Variants in USH2A observed in about 807,000 individuals in gnomAD.
The protein encoded by USH2A is Usher syndrome 2A (autosomal recessive, mild).
In USH2A, 443 loss-of-function variants were observed where a neutral mutation model predicts 538.9. That is an observed-to-expected ratio of 0.82 (90% CI 0.76 to 0.89). The LOEUF (loss-of-function observed/expected upper bound fraction) is 0.89. USH2A is among the 40% of genes least tolerant of loss of function. The probability of loss-of-function intolerance (pLI) is 0.00; values close to 1 mark genes in which losing one functional copy is unlikely to be tolerated. For missense variants in USH2A, 6,633 were observed against 6,324.8 expected, an observed-to-expected ratio of 1.05 and a Z score of -1.65; for synonymous variants, 2,413 against 2,273.5, an observed-to-expected ratio of 1.06 and a Z score of -1.75.
chr1:215,777,340 T>C (rs10864197), intron 55 of USH2A, among the ~76,000 whole-genome samples: 40,831 of 152,062 alleles, frequency 0.27, 6,214 homozygotes, highest in African/African-American at 0.41. Context: ...TCCTGTTGGT[T>C]TGAACATTAC....
At chr1:215,897,770 AG>A (rs1280876139) in intron 40 of USH2A, among the ~76,000 whole-genome samples, 2 of 152,016 alleles carry the variant, frequency 1.3e-5, no homozygotes, top group Non-Finnish European at 2.9e-5. Context: ...AAAGAAAGAA[AG>A]TGAAAGAGAG....
At chr1:216,349,547 C>G (rs530327303) in intron 4 of USH2A, among the ~76,000 whole-genome samples, 1 of 152,064 alleles carries the variant, frequency 6.6e-6, no homozygotes, top group Non-Finnish European at 1.5e-5. Flanking sequence ...AAAACCAATA[C>G]GGCAATAAGA....
intron 32 of USH2A, among the ~76,000 whole-genome samples, chr1:216,014,222 T>C (rs1376134785): frequency 2.6e-5 from 4 of 151,924 alleles, no homozygotes; most frequent in African/African-American, 9.7e-5. Flanking sequence ...GGAGGAGGCA[T>C]CAGGTTGGGC....
In USH2A at chr1:216,171,478, C is replaced by T. The variant is rs79327502; in HGVS notation, c.4627+3774G>A. ...GCCCTAGATATAACATTTGAGCAAA[C>T]ATATTTTGCATGTGTAACAGCAAAT... On this transcript the variant is annotated intron_variant, in intron 21 of 71. Coordinates refer to ENST00000307340, the MANE Select transcript of USH2A (RefSeq NM_206933.4). Among the ~76,000 whole-genome samples the T allele has an allele frequency of 1.8e-3, 269 of 152,090 alleles. 1 individual carries two copies. The highest frequency in any genetic ancestry group is 3.4e-3 in the Middle Eastern group (1 of 294).
At chr1:216,191,439 T>G (rs1376687335) in intron 19 of USH2A, among the ~76,000 whole-genome samples, 1 of 151,992 alleles carries the variant, frequency 6.6e-6, no homozygotes, top group Non-Finnish European at 1.5e-5. Flanking sequence ...GATTGGAATG[T>G]AGAATACAGT....
intron 32 of USH2A, among the ~76,000 whole-genome samples, chr1:216,014,351 C>CT (rs1202103018): frequency 1.1e-4 from 16 of 152,042 alleles, no homozygotes; most frequent in Admixed American, 5.2e-4. Context: ...CTGATAAATT[C>CT]TTTGAGAGTG....
chr1:216,204,206 G>A (rs1035719861), intron 16 of USH2A: 1 of 152,526 alleles, frequency 6.6e-6, no homozygotes, highest in African/African-American at 2.4e-5. Flanking sequence ...TAACAGAAGA[G>A]TGCTATTTCC....
intron 32 of USH2A, among the ~76,000 whole-genome samples, chr1:216,018,837 AT>A (rs1187972158): frequency 3.3e-5 from 5 of 151,704 alleles, no homozygotes; most frequent in Admixed American, 6.6e-5. Flanking sequence ...ATATTTACAT[AT>A]TTTTTTCTTT....
chr1:216,402,328 G>A (rs927403050), intron 3 of USH2A, among the ~76,000 whole-genome samples: 4 of 152,030 alleles, frequency 2.6e-5, no homozygotes, highest in African/African-American at 9.7e-5. Context: ...CAAAAAGAAA[G>A]TTGTAAAAGA....
intron 50 of USH2A, among the ~76,000 whole-genome samples, chr1:215,790,801 TG>T (rs1661960303): frequency 6.6e-6 from 1 of 152,198 alleles, no homozygotes; most frequent in Non-Finnish European, 1.5e-5. Flanking sequence ...TACAAATATT[TG>T]TTTCTTGTGA....
At chr1:215,709,645 TAAAAAA>T (rs5780846) in intron 61 of USH2A, among the ~76,000 whole-genome samples, 21 of 127,014 alleles carry the variant, frequency 1.7e-4, no homozygotes, top group South Asian at 1.6e-3. Context: ...AGATAATTTG[TAAAAAA>T]AAAAAAAAAA....
chr1:216,289,414 C>T lies in USH2A; in HGVS notation c.1841-4G>A, dbSNP rs1199160777. 2 of 1,613,816 alleles carry T rather than the reference C, an allele frequency of 1.2e-6. No homozygotes were observed. The highest frequency in any genetic ancestry group is 1.3e-5 in the African/African-American group (1 of 75,044). ...TTGCACAGCTCACAGTTCCTTCCTG[C>T]ATCAGGGAAAGGTTATGCATTATGA... On this transcript the variant is annotated splice_region_variant and splice_polypyrimidine_tract_variant and intron_variant, in intron 10 of 71. Coordinates refer to ENST00000307340, the MANE Select transcript of USH2A (RefSeq NM_206933.4).
Position 216,246,569 on chromosome 1 carries a change from T to C in USH2A, c.2809+16A>G. On this transcript the variant is annotated intron_variant, in intron 13 of 71. Coordinates refer to ENST00000307340, the MANE Select transcript of USH2A (RefSeq NM_206933.4). ...ATGTCATTGTGCACTGAAAATGTAA[T>C]ACATTTCTTTCTTACCTGGTTGACA... is the stretch of plus-strand genomic sequence containing the variant. The C allele has an allele frequency of 6.2e-7, 1 of 1,613,996 alleles. No individual in the cohort carries two copies. Among genetic ancestry groups the C allele is most frequent in the Non-Finnish European group, 8.5e-7 (1 of 1,179,886 alleles).
intron 27 of USH2A, among the ~76,000 whole-genome samples, chr1:216,076,244 G>A (rs1263973265): frequency 2.0e-5 from 3 of 151,996 alleles, no homozygotes; most frequent in Non-Finnish European, 1.5e-5. Flanking sequence ...GCTACCATAC[G>A]TCAATATTTT....
intron 61 of USH2A, among the ~76,000 whole-genome samples, chr1:215,718,659 T>G (rs886221607): frequency 6.6e-6 from 1 of 152,152 alleles, no homozygotes; most frequent in Non-Finnish European, 1.5e-5. Flanking sequence ...CATAAAAAAA[T>G]TGGTCATCTG....
rs749941664 is a variant in USH2A at position 215,779,916 on chromosome 1, C to T, written c.10866G>A (p.Glu3622=). The T allele has an allele frequency of 1.9e-6, 3 of 1,614,126 alleles. No individual in the cohort carries two copies. Among genetic ancestry groups the T allele is most frequent in the Non-Finnish European group, 1.7e-6 (2 of 1,180,024 alleles). Residue 3622 remains glutamate (E), a synonymous_variant, in exon 55 of 72, where the codon GAG becomes GAA. Transcript: ENST00000307340. ...CTTTCCCAACCTGCCTGATCTGGTACTCTTTAATGACGCCGTTTGATTTCT... is the reference window on the plus strand; with the variant it reads ...CTTTCCCAACCTGCCTGATCTGGTATTCTTTAATGACGCCGTTTGATTTCT... ...VPEKSNGVIK[E]YQIRQVGKGL...
intron 61 of USH2A, among the ~76,000 whole-genome samples, chr1:215,685,728 G>A (rs1658405029): frequency 6.6e-6 from 1 of 151,914 alleles, no homozygotes; most frequent in African/African-American, 2.4e-5. Flanking sequence ...TATCAAACTT[G>A]AATACTTATC....
intron 61 of USH2A, among the ~76,000 whole-genome samples, chr1:215,727,545 G>A (rs1292101794): frequency 2.0e-5 from 3 of 151,986 alleles, no homozygotes; most frequent in Admixed American, 6.6e-5. Flanking sequence ...TGGCCAACAT[G>A]GTGAAAACCC....
chr1:215,746,928 G>A (rs778567118), intron 58 of USH2A, among the ~76,000 whole-genome samples: 5 of 152,076 alleles, frequency 3.3e-5, no homozygotes, highest in East Asian at 1.9e-4. Flanking sequence ...CAGAATCCCC[G>A]TTTCTTTGTT....
Sources: allele counts gnomAD v4.1 joint callset (sites outside exome capture counted in the v4.1 genomes callset), GRCh38; gene constraint gnomAD v4.1.1; transcripts MANE v1.5; gene names NCBI Gene and HGNC (gene_info 2026-07-23, HGNC 2026-07-21).